The following HPS5 variants were observed in gnomAD, a reference collection of about 807,000 sequenced individuals.
The protein encoded by HPS5 is BLOC-2 complex member HPS5.
A neutral mutation model predicts 128.0 loss-of-function variants in HPS5; 83 were observed. The ratio of observed to expected loss-of-function variants is 0.65; its 90% CI spans 0.54 to 0.78. The LOEUF is 0.78. HPS5 is among the 30% of genes least tolerant of loss of function. The pLI is 0.00. For synonymous variants in HPS5, 475 were observed against 470.2 expected, an observed-to-expected ratio of 1.01 and a Z score of -0.13; for missense variants, 1,281 against 1,326.2, an observed-to-expected ratio of 0.97 and a Z score of 0.53.
Position 18,297,729 on chromosome 11 carries a change from A to G in HPS5, c.1165-12T>C, listed in dbSNP as rs1489834365. ...AAAGTTTTTCTTGCCTAATAAAACAACAGCGCAATGGAATAGCTATTTGTA... is the reference window on the plus strand; with the variant it reads ...AAAGTTTTTCTTGCCTAATAAAACAGCAGCGCAATGGAATAGCTATTTGTA... On this transcript the variant is annotated splice_polypyrimidine_tract_variant and intron_variant, in intron 10 of 22. Transcript: ENST00000349215. 1.2e-6 allele frequency: 2 copies of G among 1,612,330 alleles called. No individual in the cohort carries two copies. The highest frequency in any genetic ancestry group is 1.7e-5 in the Admixed American group (1 of 60,020).
At chr11:18,285,236 C>A in intron 20 of HPS5, 110 bp downstream of exon 20, 4 of 619,854 alleles carry the variant, frequency 6.5e-6, no homozygotes, top group South Asian at 2.1e-5. Context: ...TTTTAAATAG[C>A]AAAGAGAATC....
At chr11:18,287,849 T>C (rs1313396950) in intron 17 of HPS5, 44 bp downstream of exon 17, 1 of 1,613,096 alleles carries the variant, frequency 6.2e-7, no homozygotes, top group East Asian at 2.2e-5. Flanking sequence ...CACAAAAAAA[T>C]GCATGTGCTT....
At position 18,300,985 on chromosome 11, in the gene HPS5, G is replaced by T. The variant is rs564585589; in HGVS notation, c.897-69C>A. ...AAAAGTTTATAATTCCCCGAATTCA[G>T]ATCCTTGCATTAGCTATTAAAGTAA... On this transcript the variant is annotated intron_variant, in intron 8 of 22. Coordinates refer to ENST00000349215, the MANE Select transcript of HPS5 (RefSeq NM_181507.2). 1.4e-3 allele frequency: 1,266 copies of T among 892,722 alleles called. 3 individuals carry two copies. The highest frequency in any genetic ancestry group is 1.8e-3 in the Non-Finnish European group (977 of 532,076). The allele number at this position is 892,722 out of a possible 1,614,324, so 55.3% of individuals were successfully genotyped here.
intron 1 of HPS5, among the ~76,000 whole-genome samples, chr11:18,321,280 A>AC (rs777832996): frequency 9.2e-5 from 14 of 151,970 alleles, no homozygotes; most frequent in Admixed American, 1.3e-4. Flanking sequence ...ACTACATTGG[A>AC]CTCGACTCTT....
Position 18,282,753 on chromosome 11 carries a change from A to C in HPS5, c.3059-533T>G, listed in dbSNP as rs185015355. ...TAAAGTATGCTAAGCACTATGAAAA[A>C]AAAGAACAAGGAAGCATCAGAGAGA... is the stretch of plus-strand genomic sequence containing the variant. On this transcript the variant is annotated intron_variant, in intron 21 of 22. Transcript: ENST00000349215. 3.3e-5 allele frequency among the ~76,000 whole-genome samples: 5 copies of C among 152,360 alleles called. No individual in the cohort carries two copies. The East Asian group carries it at 9.6e-4, about 29-fold the overall frequency.
At position 18,286,663 on chromosome 11, in the gene HPS5, T is replaced by C; in HGVS notation, c.2765A>G (p.Asp922Gly). The C allele has an allele frequency of 1.2e-6, 2 of 1,613,990 alleles. No individual in the cohort carries two copies. The highest frequency in any genetic ancestry group is 1.7e-6 in the Non-Finnish European group (2 of 1,180,006). ...SLLQPESLRL[D>G]WLLLAVSLDA... ...AAGGGACACTGCCAAAAGCAGCCAA[T>C]CCAACCTTAAAGACTCTGGTTGCAG... Residue 922 changes from aspartate to glycine, a missense_variant, in exon 19 of 23, where the codon GAT (aspartate) becomes GGT (glycine). Coordinates refer to ENST00000349215, the MANE Select transcript of HPS5 (RefSeq NM_181507.2).
At chr11:18,318,982 T>A (rs962796525) in intron 1 of HPS5, among the ~76,000 whole-genome samples, 3 of 152,042 alleles carry the variant, frequency 2.0e-5, no homozygotes, top group Admixed American at 6.6e-5. Context: ...TAACACAATC[T>A]TATTTTCTGC....
chr11:18,292,254 G>A (rs1353873037), intron 15 of HPS5, among the ~76,000 whole-genome samples: 1 of 149,300 alleles, frequency 6.7e-6, no homozygotes, highest in Non-Finnish European at 1.5e-5. Context: ...TTGTCACCCA[G>A]GCTGGAGTGC....
Position 18,293,629 on chromosome 11 carries a change from A to G in HPS5, c.1785-653T>C, listed in dbSNP as rs116801329. On this transcript the variant is annotated intron_variant, in intron 14 of 22. Coordinates refer to ENST00000349215, the MANE Select transcript of HPS5 (RefSeq NM_181507.2). ...CTAAGTATAATTTAAAAAAAGAGTA[A>G]GTTGAACACCAAAGAGCAGCTCTTT... Among the ~76,000 whole-genome samples, 1,151 of 152,350 alleles carry G rather than the reference A, an allele frequency of 7.6e-3. 19 individuals are homozygous for G. The highest frequency in any genetic ancestry group is 0.026 in the African/African-American group (1,072 of 41,582).
chr11:18,297,505 C>T (rs190925767), intron 11 of HPS5, 54 bp downstream of exon 11: 109 of 1,543,110 alleles, frequency 7.1e-5, no homozygotes, highest in Admixed American at 1.0e-4. Context: ...ATAAGAACAA[C>T]CGAAGATGGA....
At chr11:18,283,083 C>T (rs1859229323) in intron 21 of HPS5, among the ~76,000 whole-genome samples, 1 of 152,084 alleles carries the variant, frequency 6.6e-6, no homozygotes. Context: ...CTCACTGCAA[C>T]CTCCACCTCC....
intron 14 of HPS5, 123 bp from the exon 15 acceptor site, chr11:18,293,099 G>A: frequency 2.6e-6 from 2 of 761,258 alleles, no homozygotes; most frequent in Non-Finnish European, 4.7e-6. Context: ...TCGGTTCATT[G>A]CAACCTCCGC....
At position 18,298,682 on chromosome 11, in the gene HPS5, A is replaced by G. The variant is rs1861363874; in HGVS notation, c.1164+110T>C. The G allele has an allele frequency of 5.4e-5, 54 of 1,002,992 alleles. No individual in the cohort carries two copies. In the South Asian group the frequency reaches 5.5e-4, roughly 10 times the overall value. 62.1% of individuals were successfully genotyped at this position (1,002,992 alleles called of 1,614,324 possible). On this transcript the variant is annotated intron_variant, in intron 10 of 22. Transcript: ENST00000349215. Reference sequence around the variant, plus strand: ...TCTGGGCATGTATTGCTGTATCTGTAGGTCACACAGACAGGGTTAATAAAA... The same window carrying G: ...TCTGGGCATGTATTGCTGTATCTGTGGGTCACACAGACAGGGTTAATAAAA...
chr11:18,310,400 T>A (rs1261993944), intron 5 of HPS5, among the ~76,000 whole-genome samples: 1 of 152,232 alleles, frequency 6.6e-6, no homozygotes, highest in African/African-American at 2.4e-5. Context: ...TCTATGTTTG[T>A]CACTTTATTC....
intron 10 of HPS5, among the ~76,000 whole-genome samples, 199 bp from the exon 11 acceptor site, chr11:18,297,916 C>T (rs1861268434): frequency 6.6e-6 from 1 of 151,766 alleles, no homozygotes; most frequent in Non-Finnish European, 1.5e-5. Context: ...CCCGTCTCTA[C>T]TAAAAATACA....
intron 1 of HPS5, among the ~76,000 whole-genome samples, chr11:18,321,331 T>C (rs1269574545): frequency 2.0e-5 from 3 of 152,168 alleles, no homozygotes; most frequent in Non-Finnish European, 4.4e-5. Context: ...GCCTCCATGG[T>C]TTAATATATG....
intron 19 of HPS5, 39 bp downstream of exon 19, chr11:18,286,552 A>G (rs1204355657): frequency 1.9e-6 from 3 of 1,600,620 alleles, no homozygotes; most frequent in East Asian, 2.2e-5. Flanking sequence ...AAAAAAAAAA[A>G]GTAAAGAAAA....
Position 18,309,007 on chromosome 11 carries a change from A to T in HPS5, c.550T>A (p.Tyr184Asn). ...GATATAAGTAGCCTTCCATCCAAATAATCTAACTGTACAACACAGGAGTCA... is the reference window on the plus strand; with the variant it reads ...GATATAAGTAGCCTTCCATCCAAATTATCTAACTGTACAACACAGGAGTCA... Reference protein sequence around the residue: ...TVDSCVVQLDYLDGRLLISSL... With the variant: ...TVDSCVVQLDNLDGRLLISSL... Residue 184 changes from tyrosine (Y) to asparagine (N), a missense_variant, in exon 6 of 23, where the codon TAT becomes AAT. Coordinates refer to ENST00000349215, the MANE Select transcript of HPS5 (RefSeq NM_181507.2). 6.2e-7 allele frequency: 1 copy of T among 1,613,962 alleles called. No individual in the cohort carries two copies. Among genetic ancestry groups the T allele is most frequent in the Non-Finnish European group, 8.5e-7 (1 of 1,179,834 alleles).
At chr11:18,309,210 T>C in intron 5 of HPS5, 131 bp from the exon 6 acceptor site, 3 of 883,364 alleles carry the variant, frequency 3.4e-6, no homozygotes, top group Non-Finnish European at 5.3e-6. Context: ...CAAAACTTAA[T>C]TTGCTTGTAA....
Sources: gnomAD v4.1 joint callset for allele counts (sites outside exome capture counted in the v4.1 genomes callset) on GRCh38, gnomAD v4.1.1 for gene constraint, MANE v1.5 for transcripts, NCBI Gene and HGNC (gene_info 2026-07-23, HGNC 2026-07-21) for gene names.